The following TSHZ2 variants were observed in gnomAD, a reference collection of about 807,000 sequenced individuals.
TSHZ2 encodes teashirt zinc finger homeobox 2.
Under a neutral mutation model 74.4 loss-of-function variants are expected in TSHZ2, and 21 were observed. The ratio of observed to expected loss-of-function variants is 0.28; its 90% CI spans 0.20 to 0.41. TSHZ2 has a LOEUF of 0.41. Ranked by LOEUF, TSHZ2 falls within the 10% of genes least tolerant of loss-of-function variation. The pLI, the probability that TSHZ2 is intolerant of heterozygous loss-of-function variation, is 1.00. For synonymous variants in TSHZ2, 540 were observed against 515.3 expected (o/e 1.05, Z -0.65); for missense variants, 1,244 against 1,293.5 (o/e 0.96, Z 0.59).
chr20:53,102,299 G>C (rs1568759845), intron 1 of TSHZ2, among the ~76,000 whole-genome samples: 1 of 152,024 alleles, frequency 6.6e-6, no homozygotes, highest in Non-Finnish European at 1.5e-5. Flanking sequence ...CAGGGTCACT[G>C]TGTCTACACA....
At chr20:53,242,945 G>A (rs1990107916) in intron 1 of TSHZ2, among the ~76,000 whole-genome samples, 1 of 152,154 alleles carries the variant, frequency 6.6e-6, no homozygotes, top group Non-Finnish European at 1.5e-5. Context: ...GGAGCTTACA[G>A]TCTTATCTAG....
At chr20:53,395,334 G>A (rs1212781420) in intron 2 of TSHZ2, among the ~76,000 whole-genome samples, 1 of 152,166 alleles carries the variant, frequency 6.6e-6, no homozygotes, top group Non-Finnish European at 1.5e-5. Context: ...AGTTGAGATG[G>A]CAGTACCAGC....
At chr20:52,977,072 G>A (rs1439325223) in intron 1 of TSHZ2, among the ~76,000 whole-genome samples, 1 of 152,176 alleles carries the variant, frequency 6.6e-6, no homozygotes, top group Non-Finnish European at 1.5e-5. Flanking sequence ...GGGAAACATA[G>A]TCAACAGGGA....
rs1983203490 is a variant in TSHZ2 at position 53,020,502 on chromosome 20, G to A, written c.40+47169G>A. Among the ~76,000 whole-genome samples, 5 of 152,200 alleles carry A rather than the reference G, an allele frequency of 3.3e-5. No individual in the cohort carries two copies. The South Asian group carries it at 1.0e-3, about 31-fold the overall frequency. Reference sequence around the variant, plus strand: ...AAAACCACCTTCGTTTCTGCTGTTTGTAAAAAGGTCCGAAACCACTAGCTT... The same window carrying A: ...AAAACCACCTTCGTTTCTGCTGTTTATAAAAAGGTCCGAAACCACTAGCTT... On this transcript the variant is annotated intron_variant, in intron 1 of 2. Transcript: ENST00000371497.
chr20:53,168,766 T>C (rs564064850), intron 1 of TSHZ2: 4 of 152,316 alleles, frequency 2.6e-5, no homozygotes, highest in African/African-American at 7.2e-5. Flanking sequence ...TCCAAAACCA[T>C]TGAAGGTGTG....
intron 2 of TSHZ2, among the ~76,000 whole-genome samples, chr20:53,350,304 T>A (rs1980600414): frequency 6.6e-6 from 1 of 152,214 alleles, no homozygotes; most frequent in African/African-American, 2.4e-5. Flanking sequence ...TTCCTTTCTA[T>A]CTCTCAGTGC....
intron 2 of TSHZ2, among the ~76,000 whole-genome samples, chr20:53,301,200 C>T (rs1991471322): frequency 6.6e-6 from 1 of 152,170 alleles, no homozygotes; most frequent in Admixed American, 6.5e-5. Context: ...TCAAGTGATC[C>T]TCCCACCTCA....
At chr20:53,418,314 C>G (rs1983344830) in intron 2 of TSHZ2, among the ~76,000 whole-genome samples, 1 of 152,164 alleles carries the variant, frequency 6.6e-6, no homozygotes, top group African/African-American at 2.4e-5. Flanking sequence ...CTCTGAGCAG[C>G]TTCAAAAAAC....
At chr20:53,092,768 T>G (rs1224606274) in intron 1 of TSHZ2, among the ~76,000 whole-genome samples, 1 of 152,220 alleles carries the variant, frequency 6.6e-6, no homozygotes, top group African/African-American at 2.4e-5. Flanking sequence ...GTATCTTTGT[T>G]GCATCACGTT....
intron 2 of TSHZ2, among the ~76,000 whole-genome samples, chr20:53,323,164 C>A (rs1449693135): frequency 6.6e-6 from 1 of 152,234 alleles, no homozygotes; most frequent in Non-Finnish European, 1.5e-5. Context: ...AATGTCAGTG[C>A]TGTGAGTCCA....
intron 2 of TSHZ2, among the ~76,000 whole-genome samples, chr20:53,376,287 T>C (rs1378546236): frequency 1.3e-5 from 2 of 152,204 alleles, no homozygotes; most frequent in African/African-American, 4.8e-5. Context: ...GGGCTTTCTG[T>C]GCTAAAATCG....
intron 2 of TSHZ2, among the ~76,000 whole-genome samples, chr20:53,309,924 C>T (rs992200414): frequency 6.6e-6 from 1 of 152,192 alleles, no homozygotes; most frequent in Non-Finnish European, 1.5e-5. Flanking sequence ...ATGCTTTTAA[C>T]TCCATCTCGT....
intron 2 of TSHZ2, among the ~76,000 whole-genome samples, chr20:53,433,709 G>A (rs1377355178): frequency 1.3e-5 from 2 of 151,950 alleles, no homozygotes; most frequent in Middle Eastern, 6.3e-3. Flanking sequence ...CCAGTAGCAA[G>A]AATGTTCTGT....
At chr20:53,347,964 C>T (rs1047371059) in intron 2 of TSHZ2, among the ~76,000 whole-genome samples, 10 of 152,128 alleles carry the variant, frequency 6.6e-5, no homozygotes, top group African/African-American at 2.4e-4. Context: ...ATACCCGTAA[C>T]GTGGTAACCC....
intron 2 of TSHZ2, among the ~76,000 whole-genome samples, chr20:53,375,053 CAT>C (rs749432622): frequency 1.5e-4 from 23 of 151,908 alleles, no homozygotes; most frequent in Admixed American, 9.2e-4. Context: ...TACATATACA[CAT>C]GTGTACATAC....
intron 1 of TSHZ2, among the ~76,000 whole-genome samples, chr20:53,103,261 A>G (rs1986269631): frequency 6.6e-6 from 1 of 152,210 alleles, no homozygotes; most frequent in African/African-American, 2.4e-5. Context: ...ATTTTCCTGT[A>G]TCCGAGCAAA....
At chr20:53,430,760 T>A (rs147962659) in intron 2 of TSHZ2, among the ~76,000 whole-genome samples, 339 of 152,116 alleles carry the variant, frequency 2.2e-3, no homozygotes, top group East Asian at 5.2e-3. Flanking sequence ...AGTTTAGTTT[T>A]GTTTTGTTTT....
intron 1 of TSHZ2, among the ~76,000 whole-genome samples, chr20:53,225,798 T>C (rs969219171): frequency 2.0e-5 from 3 of 152,108 alleles, no homozygotes; most frequent in Non-Finnish European, 2.9e-5. Flanking sequence ...GCTAAAGAAA[T>C]TTCTGACAAA....
intron 2 of TSHZ2, among the ~76,000 whole-genome samples, chr20:53,314,315 A>G (rs1426733242): frequency 1.3e-5 from 2 of 151,718 alleles, no homozygotes; most frequent in East Asian, 3.9e-4. Flanking sequence ...AGAAAGAAAT[A>G]TGATGCAGTT....
Sources: allele counts gnomAD v4.1 joint callset (sites outside exome capture counted in the v4.1 genomes callset), GRCh38; gene constraint gnomAD v4.1.1; transcripts MANE v1.5; gene names NCBI Gene and HGNC (gene_info 2026-07-23, HGNC 2026-07-21).